DRD2: variants seen among roughly 807,000 people sequenced by gnomAD.
The protein encoded by DRD2 is D(2) dopamine receptor.
Under a neutral mutation model 38.0 loss-of-function variants are expected in DRD2, and 8 were observed. The observed-to-expected ratio is 0.21, with a 90% CI of 0.12 to 0.38. DRD2 has a LOEUF of 0.38. Among genes scored for constraint, DRD2 ranks in the 10% least tolerant of loss-of-function variants. DRD2 has a pLI of 1.00. For synonymous variants in DRD2, 230 were observed against 238.6 expected (o/e 0.96, Z 0.33); for missense variants, 403 against 607.7 (o/e 0.66, Z 3.54).
At chr11:113,416,804 T>A (rs563056664) in intron 4 of DRD2, 59 bp downstream of exon 4, 7 of 1,596,776 alleles carry the variant, frequency 4.4e-6, no homozygotes, top group African/African-American at 4.0e-5. Context: ...CTCAGGGCCC[T>A]TCGAGGGAGC....
chr11:113,418,008 C>A lies in DRD2; in HGVS notation c.395+19G>T, dbSNP rs200429548. 3.9e-5 allele frequency: 63 copies of A among 1,609,080 alleles called. No individual in the cohort carries two copies. The highest frequency in any genetic ancestry group is 4.8e-5 in the Non-Finnish European group (57 of 1,175,768). ...TGGTGAGTGGCCAGAGCAACCTCTT[C>A]CACCCTGGCTGGGCTCACCTGTCGA... is the stretch of plus-strand genomic sequence containing the variant. On this transcript the variant is annotated intron_variant, in intron 3 of 7. Transcript: ENST00000362072.
intron 1 of DRD2, among the ~76,000 whole-genome samples, chr11:113,456,259 A>G (rs1451098278): frequency 6.6e-6 from 1 of 152,224 alleles, no homozygotes; most frequent in African/African-American, 2.4e-5. Context: ...AGTAGAAGGT[A>G]AAATGGTGGT....
intron 1 of DRD2, among the ~76,000 whole-genome samples, chr11:113,459,249 T>G (rs1951294234): frequency 6.6e-6 from 1 of 152,212 alleles, no homozygotes; most frequent in Non-Finnish European, 1.5e-5. Flanking sequence ...TTGGATAAAT[T>G]GAATGTACTG....
At chr11:113,436,563 A>G (rs1951040073) in intron 1 of DRD2, among the ~76,000 whole-genome samples, 1 of 152,132 alleles carries the variant, frequency 6.6e-6, no homozygotes, top group Non-Finnish European at 1.5e-5. Context: ...AGAGATACAC[A>G]CTGAAATATT....
In DRD2 at chr11:113,463,047, T is replaced by C. The variant is rs183735516; in HGVS notation, c.-32+12029A>G. On this transcript the variant is annotated intron_variant, in intron 1 of 7. Coordinates refer to ENST00000362072, the MANE Select transcript of DRD2 (RefSeq NM_000795.4). The stretch of plus-strand genomic sequence containing the variant: ...GCACGTCACGTGATACGCTGAGCAC[T>C]GACTTGCCTAATCTGCTTCCCTGTG... Among the ~76,000 whole-genome samples, 95 of 152,332 alleles carry C rather than the reference T, an allele frequency of 6.2e-4. No individual in the cohort carries two copies. In the East Asian group the frequency reaches 0.013, roughly 20 times the overall value.
At chr11:113,421,142 T>C (rs1950880484) in intron 2 of DRD2, among the ~76,000 whole-genome samples, 1 of 152,180 alleles carries the variant, frequency 6.6e-6, no homozygotes, top group Non-Finnish European at 1.5e-5. Flanking sequence ...GCTGGGTGGC[T>C]TTCTTGAGAA....
At chr11:113,446,452 G>A (rs1378582210) in intron 1 of DRD2, among the ~76,000 whole-genome samples, 1 of 152,176 alleles carries the variant, frequency 6.6e-6, no homozygotes, top group Non-Finnish European at 1.5e-5. Context: ...AATTCTAAAA[G>A]CAACCTTAAA....
chr11:113,452,674 G>T (rs1329207718), intron 1 of DRD2, among the ~76,000 whole-genome samples: 5 of 146,316 alleles, frequency 3.4e-5, no homozygotes, highest in Admixed American at 6.8e-5. Context: ...CTGAGATAAG[G>T]TCTTGCTTTG....
Position 113,434,528 on chromosome 11 carries a change from T to A in DRD2, c.-31-9846A>T, listed in dbSNP as rs1951018372. ...CTGGTTCGGGTCCTTGCAGGGTGTT[T>A]CCCAGGTGGGCATCACTGTGGCACA... is the stretch of plus-strand genomic sequence containing the variant. On this transcript the variant is annotated intron_variant, in intron 1 of 7. Transcript: ENST00000362072. Among the ~76,000 whole-genome samples, 3 of 152,156 alleles carry A rather than the reference T, an allele frequency of 2.0e-5. No homozygotes were observed. The South Asian group carries it at 6.2e-4, about 32-fold the overall frequency.
At chr11:113,435,395 G>A (rs1016240280) in intron 1 of DRD2, among the ~76,000 whole-genome samples, 9 of 152,022 alleles carry the variant, frequency 5.9e-5, no homozygotes, top group Non-Finnish European at 1.2e-4. Context: ...TGTTCTCTGC[G>A]TGTGCTGCCT....
At chr11:113,474,604 G>T (rs1020604854) in intron 1 of DRD2, among the ~76,000 whole-genome samples, 1 of 152,250 alleles carries the variant, frequency 6.6e-6, no homozygotes, top group African/African-American at 2.4e-5. Flanking sequence ...GGGTCAGGTC[G>T]CACCAACACA....
intron 1 of DRD2, among the ~76,000 whole-genome samples, chr11:113,469,515 A>G (rs1359840485): frequency 6.6e-6 from 1 of 152,144 alleles, no homozygotes; most frequent in Non-Finnish European, 1.5e-5. Flanking sequence ...TTTGTCTCAC[A>G]CATGAAACGT....
At position 113,416,859 on chromosome 11, in the gene DRD2, G is replaced by C; in HGVS notation, c.532+4C>G. On this transcript the variant is annotated splice_donor_region_variant and intron_variant, in intron 4 of 7. Coordinates refer to ENST00000362072, the MANE Select transcript of DRD2 (RefSeq NM_000795.4). ...AGCCTCAGGCAAACAAAAGCAGAATGTACCTGCGTTATTGAGTCCGAAGAG... is the reference window on the plus strand; with the variant it reads ...AGCCTCAGGCAAACAAAAGCAGAATCTACCTGCGTTATTGAGTCCGAAGAG... 6.2e-7 allele frequency: 1 copy of C among 1,613,678 alleles called. No individual in the cohort carries two copies. The highest frequency in any genetic ancestry group is 8.5e-7 in the Non-Finnish European group (1 of 1,179,782).
At chr11:113,452,254 G>A (rs1244697735) in intron 1 of DRD2, among the ~76,000 whole-genome samples, 2 of 152,136 alleles carry the variant, frequency 1.3e-5, no homozygotes, top group African/African-American at 2.4e-5. Flanking sequence ...AGGAGAAAGG[G>A]CAATGTTGTC....
chr11:113,462,617 G>A (rs1163967939), intron 1 of DRD2, among the ~76,000 whole-genome samples: 1 of 152,194 alleles, frequency 6.6e-6, no homozygotes, highest in Admixed American at 6.5e-5. Context: ...TGCAGGAACA[G>A]GTATCATGCT....
At chr11:113,448,552 A>G (rs1469218160) in intron 1 of DRD2, among the ~76,000 whole-genome samples, 1 of 152,236 alleles carries the variant, frequency 6.6e-6, no homozygotes, top group Non-Finnish European at 1.5e-5. Flanking sequence ...TGACAGCAGT[A>G]TTAATCACCT....
chr11:113,420,606 T>C (rs1333914905), intron 2 of DRD2, among the ~76,000 whole-genome samples: 1 of 152,190 alleles, frequency 6.6e-6, no homozygotes, highest in Admixed American at 6.5e-5. Context: ...CGTGGCCAAG[T>C]TCACCTGGCA....
chr11:113,472,677 G>A (rs1405092531), intron 1 of DRD2, among the ~76,000 whole-genome samples: 2 of 152,170 alleles, frequency 1.3e-5, no homozygotes, highest in African/African-American at 4.8e-5. Flanking sequence ...GCCTTGGGGA[G>A]CATGACGTGC....
At chr11:113,454,746 T>A (rs928332136) in intron 1 of DRD2, among the ~76,000 whole-genome samples, 1 of 152,194 alleles carries the variant, frequency 6.6e-6, no homozygotes, top group African/African-American at 2.4e-5. Context: ...GAAAACGTGG[T>A]ATCCACATAC....
Sources: gnomAD v4.1 joint callset for allele counts (sites outside exome capture counted in the v4.1 genomes callset) on GRCh38, gnomAD v4.1.1 for gene constraint, MANE v1.5 for transcripts, NCBI Gene and HGNC (gene_info 2026-07-23, HGNC 2026-07-21) for gene names.